ZC3H7B: variants seen among roughly 807,000 people sequenced by gnomAD.
ZC3H7B encodes zinc finger CCCH domain-containing protein 7B.
In ZC3H7B, 35 loss-of-function variants were observed where a neutral mutation model predicts 116.0. That is an observed-to-expected ratio of 0.30 (90% CI 0.23 to 0.40). The LOEUF (loss-of-function observed/expected upper bound fraction) is 0.40, where lower values mean the gene tolerates loss of function less well. ZC3H7B is among the 10% of genes least tolerant of loss of function. The pLI, the probability that ZC3H7B is intolerant of heterozygous loss-of-function variation, is 1.00. For missense variants in ZC3H7B, 1,011 were observed against 1,321.5 expected (o/e 0.77, Z 3.64); for synonymous variants, 502 against 545.6 (o/e 0.92, Z 1.11).
intron 7 of ZC3H7B, 136 bp downstream of exon 7, chr22:41,332,363 C>T (rs910280886): frequency 2.3e-5 from 25 of 1,069,752 alleles, no homozygotes; most frequent in African/African-American, 3.1e-5. Context: ...CCCGTGTCCA[C>T]GGGGGCAGGA....
At chr22:41,348,257 A>G (rs1325847714) in intron 15 of ZC3H7B, 90 bp downstream of exon 15, 8 of 1,180,750 alleles carry the variant, frequency 6.8e-6, no homozygotes, top group Non-Finnish European at 1.0e-5. Context: ...GGCTGAACTG[A>G]AAGGGTGGAT....
intron 7 of ZC3H7B, chr22:41,333,100 G>C (rs1300120394): frequency 6.6e-6 from 1 of 152,404 alleles, no homozygotes; most frequent in Non-Finnish European, 1.5e-5. Context: ...TGTACATTAA[G>C]GGAAACTGAG....
At position 41,338,207 on chromosome 22, in the gene ZC3H7B, T is replaced by C; in HGVS notation, c.583-106T>C. ...TAATCTCCCCTGGCACTCTAAGTGC[T>C]CCTCGGTGCTGGGTCAACAGCATAG... On this transcript the variant is annotated intron_variant, in intron 7 of 22. Coordinates refer to ENST00000352645, the MANE Select transcript of ZC3H7B (RefSeq NM_017590.6). The surrounding 1 kb of genome is among the most constrained non-coding windows in gnomAD (Gnocchi z 4.5). 2.5e-6 allele frequency: 3 copies of C among 1,212,280 alleles called. No individual in the cohort carries two copies. The highest frequency in any genetic ancestry group is 2.2e-5 in the Admixed American group (1 of 45,084). The allele number at this position is 1,212,280 out of a possible 1,614,324, so 75.1% of individuals were successfully genotyped here.
chr22:41,325,676 TG>T, intron 3 of ZC3H7B, 44 bp from the exon 4 acceptor site: 2 of 1,608,366 alleles, frequency 1.2e-6, no homozygotes, highest in Non-Finnish European at 1.7e-6. Context: ...GTGCCAGAGC[TG>T]GGGCCAGAGG....
At position 41,339,812 on chromosome 22, in the gene ZC3H7B, A is replaced by G. The variant is rs1387263752; in HGVS notation, c.817-4A>G. ...TGACCCCTCCCTCTGTCCCTGCCTCATAGTCTCTGGTCCAGGGTGGCCTGT... is the reference window on the plus strand; with the variant it reads ...TGACCCCTCCCTCTGTCCCTGCCTCGTAGTCTCTGGTCCAGGGTGGCCTGT... On this transcript the variant is annotated splice_polypyrimidine_tract_variant and splice_region_variant and intron_variant, in intron 9 of 22. Transcript: ENST00000352645. 1.3e-6 allele frequency: 2 copies of G among 1,587,060 alleles called. No individual in the cohort carries two copies. Among genetic ancestry groups the G allele is most frequent in the African/African-American group, 1.3e-5 (1 of 74,496 alleles).
At chr22:41,339,795 C>T in intron 9 of ZC3H7B, 21 bp from the exon 10 acceptor site, 1 of 1,564,472 alleles carries the variant, frequency 6.4e-7, no homozygotes, top group Non-Finnish European at 8.7e-7. Context: ...TCTGACCCCT[C>T]CCTCTGTCCC....
chr22:41,323,585 G>A (rs1272605106), intron 2 of ZC3H7B, among the ~76,000 whole-genome samples: 4 of 152,210 alleles, frequency 2.6e-5, no homozygotes, highest in Admixed American at 6.5e-5. Flanking sequence ...CAGCCTCCCC[G>A]AAGCCGTCTG....
chr22:41,317,944 G>T (rs2036205945), intron 1 of ZC3H7B, among the ~76,000 whole-genome samples: 1 of 152,194 alleles, frequency 6.6e-6, no homozygotes, highest in Non-Finnish European at 1.5e-5. Context: ...GCATGGCTTT[G>T]AATAACTTTC....
chr22:41,318,315 C>G (rs1173508494), intron 1 of ZC3H7B, among the ~76,000 whole-genome samples: 6 of 151,882 alleles, frequency 4.0e-5, no homozygotes, highest in Admixed American at 2.0e-4. Context: ...AGATCACGAG[C>G]TCAGGAGATC....
intron 7 of ZC3H7B, chr22:41,334,997 C>T (rs890979948): frequency 6.6e-6 from 1 of 152,174 alleles, no homozygotes; most frequent in African/African-American, 2.4e-5. Context: ...CCAAGGCAGC[C>T]TTGGTTGGAA....
intron 13 of ZC3H7B, 36 bp from the exon 14 acceptor site, chr22:41,345,967 G>C: frequency 6.2e-7 from 1 of 1,611,290 alleles, no homozygotes; most frequent in Non-Finnish European, 8.5e-7. Flanking sequence ...TGCTATCCCC[G>C]CCTGGCGGAA....
At chr22:41,339,672 A>T in intron 9 of ZC3H7B, 144 bp from the exon 10 acceptor site, 1 of 692,462 alleles carries the variant, frequency 1.4e-6, no homozygotes, top group African/African-American at 1.8e-5. Context: ...GCCAGAAGGG[A>T]CCATAGTGAG....
At chr22:41,326,810 C>G (rs1480367702) in intron 4 of ZC3H7B, among the ~76,000 whole-genome samples, 5 of 152,242 alleles carry the variant, frequency 3.3e-5, no homozygotes, top group Non-Finnish European at 5.9e-5. Flanking sequence ...CCCTTGTACA[C>G]TCTGCACACA....
intron 1 of ZC3H7B, among the ~76,000 whole-genome samples, chr22:41,307,570 G>A (rs2036061024): frequency 6.6e-6 from 1 of 152,226 alleles, no homozygotes; most frequent in Non-Finnish European, 1.5e-5. Flanking sequence ...CAGAGGCTGA[G>A]ACACAAGCTT....
At position 41,357,796 on chromosome 22, in the gene ZC3H7B, A is replaced by G. The variant is rs2145946981; in HGVS notation, c.*367A>G. 1 of 287,768 alleles carries G rather than the reference A, an allele frequency of 3.5e-6. No homozygotes were observed. The highest frequency in any genetic ancestry group is 6.7e-6 in the Non-Finnish European group (1 of 149,986). 17.8% of individuals were successfully genotyped at this position (287,768 alleles called of 1,614,324 possible). On this transcript the variant is annotated 3_prime_UTR_variant, in exon 23 of 23. Coordinates refer to ENST00000352645, the MANE Select transcript of ZC3H7B (RefSeq NM_017590.6). The surrounding 1 kb of genome is among the most constrained non-coding windows in gnomAD (Gnocchi z 5.4). ...TGGGGAGCCTGGGGTCCCCACTTGA[A>G]TCTCCAGCAGGAGGGTCCTTCTCTC...
Position 41,355,479 on chromosome 22 carries a change from G to A in ZC3H7B, c.2045G>A (p.Arg682Lys). 6.2e-7 allele frequency: 1 copy of A among 1,614,050 alleles called. No homozygotes were observed. The highest frequency in any genetic ancestry group is 1.1e-5 in the South Asian group (1 of 91,082). The change falls in exon 18 of 23, where the codon AGG (arginine) becomes AAG (lysine). Residue 682 changes from arginine (R) to lysine (K), a missense_variant. Physicochemically the swap from Arg to Lys is conservative, Grantham distance 26. This residue lies in a region of ZC3H7B where 406 missense variants were observed against 590.2 expected (regional missense o/e 0.69). Transcript: ENST00000352645. ...GKASSSMGAP[R>K]THGPSTFDLQ... is the part of the protein sequence containing the mutation. ...CCCATCCCCCCACAGGGTGCTCCGA[G>A]GACACATGGGCCCAGCACCTTTGAC... is the stretch of plus-strand genomic sequence containing the variant.
Position 41,356,756 on chromosome 22 carries a change from G to T in ZC3H7B, c.2629G>T (p.Ala877Ser), listed in dbSNP as rs369870974. 1 of 1,613,500 alleles carries T rather than the reference G, an allele frequency of 6.2e-7. No individual in the cohort carries two copies. Among genetic ancestry groups the T allele is most frequent in the African/African-American group, 1.3e-5 (1 of 74,946 alleles). ...GAAGGTCTTCACGTCCGACAGTGAC[G>T]CCAGCGGCTGGGCCTTCCGCTTCCC... Reference protein sequence around the residue: ...KEKVFTSDSDASGWAFRFPMG... With the variant: ...KEKVFTSDSDSSGWAFRFPMG... The change falls in exon 22 of 23, where the codon GCC becomes TCC. Residue 877 changes from alanine to serine, a missense_variant. Physicochemically the swap from Ala to Ser is moderately conservative, Grantham distance 99. This residue lies in a region of ZC3H7B where 406 missense variants were observed against 590.2 expected (regional missense o/e 0.69). Coordinates refer to ENST00000352645, the MANE Select transcript of ZC3H7B (RefSeq NM_017590.6).
At chr22:41,317,731 C>T (rs932834750) in intron 1 of ZC3H7B, among the ~76,000 whole-genome samples, 1 of 152,046 alleles carries the variant, frequency 6.6e-6, no homozygotes, top group African/African-American at 2.4e-5. Flanking sequence ...CTGCAGTGAG[C>T]CAAGATCACA....
At chr22:41,331,583 C>T (rs898477905) in intron 6 of ZC3H7B, among the ~76,000 whole-genome samples, 31 of 145,874 alleles carry the variant, frequency 2.1e-4, no homozygotes, top group African/African-American at 7.4e-4. Context: ...AAAGAGAGAG[C>T]AAATGGGCCG....
Sources: allele counts gnomAD v4.1 joint callset (sites outside exome capture counted in the v4.1 genomes callset), GRCh38; gene constraint gnomAD v4.1.1; regional missense constraint gnomAD v4.1.1; non-coding constraint Gnocchi (gnomAD v3.1); transcripts MANE v1.5; gene names NCBI Gene and HGNC (gene_info 2026-07-23, HGNC 2026-07-21).